Variants in MAN2A1 observed in about 807,000 individuals in gnomAD.
MAN2A1 encodes mannosidase alpha class 2A member 1, also known as alpha-mannosidase 2.
Under a neutral mutation model 142.6 loss-of-function variants are expected in MAN2A1, and 76 were observed. That is an observed-to-expected ratio of 0.53 (90% CI 0.44 to 0.65). The LOEUF (loss-of-function observed/expected upper bound fraction) is 0.65, where lower values mean the gene tolerates loss of function less well. Ranked by LOEUF, MAN2A1 falls within the 30% of genes least tolerant of loss-of-function variation. MAN2A1 has a pLI of 0.00. For synonymous variants in MAN2A1, 559 were observed against 473.2 expected, an observed-to-expected ratio of 1.18 and a Z score of -2.35; for missense variants, 1,311 against 1,365.1, an observed-to-expected ratio of 0.96 and a Z score of 0.62.
chr5:109,792,151 A>G (rs1360350440), intron 12 of MAN2A1, among the ~76,000 whole-genome samples: 1 of 152,078 alleles, frequency 6.6e-6, no homozygotes, highest in Non-Finnish European at 1.5e-5. Context: ...TCCCAGCACC[A>G]ATAATTTAAG....
intron 12 of MAN2A1, 87 bp from the exon 13 acceptor site, chr5:109,817,186 A>G: frequency 9.0e-7 from 1 of 1,110,452 alleles, no homozygotes; most frequent in Non-Finnish European, 1.3e-6. Flanking sequence ...ATGTATATGT[A>G]TATGTATATG....
chr5:109,809,193 T>A (rs1315620868), intron 12 of MAN2A1, among the ~76,000 whole-genome samples: 1 of 152,204 alleles, frequency 6.6e-6, no homozygotes, highest in Non-Finnish European at 1.5e-5. Flanking sequence ...AAGTTATTTT[T>A]CTCTTCTTTC....
At chr5:109,721,955 A>G (rs1051827905) in intron 3 of MAN2A1, among the ~76,000 whole-genome samples, 6 of 152,222 alleles carry the variant, frequency 3.9e-5, no homozygotes, top group Non-Finnish European at 8.8e-5. Flanking sequence ...CAGCAACTTC[A>G]TGACAGAGTC....
At chr5:109,866,752 A>T (rs1048714019) in intron 21 of MAN2A1, 94 bp from the exon 22 acceptor site, 4 of 749,056 alleles carry the variant, frequency 5.3e-6, no homozygotes, top group Non-Finnish European at 8.7e-6. Context: ...ATACTGTTTT[A>T]TTCCTTCTCA....
At chr5:109,821,275 GT>G (rs1418661383) in intron 15 of MAN2A1, among the ~76,000 whole-genome samples, 2 of 152,106 alleles carry the variant, frequency 1.3e-5, no homozygotes, top group Non-Finnish European at 2.9e-5. Flanking sequence ...CTGATGGTAT[GT>G]TTTTTAAAAA....
At chr5:109,768,928 C>A (rs2112648369) in intron 6 of MAN2A1, among the ~76,000 whole-genome samples, 1 of 152,224 alleles carries the variant, frequency 6.6e-6, no homozygotes, top group Non-Finnish European at 1.5e-5. Context: ...TTATGTATTT[C>A]AGTATTGTGC....
Position 109,821,678 on chromosome 5 carries a change from G to A in MAN2A1, c.2451+1336G>A, listed in dbSNP as rs148165807. On this transcript the variant is annotated intron_variant, in intron 15 of 21. Transcript: ENST00000261483. ...TTTGTGGTTACTAGTAAGGTTGAAC[G>A]TTTTTGTACCTTCATTTATCTTTCA... Among the ~76,000 whole-genome samples the A allele has an allele frequency of 1.7e-3, 258 of 152,108 alleles. 1 individual carries two copies. The highest frequency in any genetic ancestry group is 6.1e-3 in the African/African-American group (253 of 41,508).
chr5:109,748,137 T>C (rs1468446779), intron 4 of MAN2A1, among the ~76,000 whole-genome samples: 3 of 152,156 alleles, frequency 2.0e-5, no homozygotes, highest in East Asian at 1.9e-4. Flanking sequence ...AAATACAATA[T>C]TTTCTGACTT....
rs369771547 is a variant in MAN2A1, at chr5:109,788,970, T to C, written c.1797T>C (p.Ile599=). 1 of 1,602,736 alleles carries C rather than the reference T, an allele frequency of 6.2e-7. No individual in the cohort carries two copies. The highest frequency in any genetic ancestry group is 8.5e-7 in the Non-Finnish European group (1 of 1,171,056). ...CGTTAATGGTTTTGGAGAAGATAAT[T>C]GGAAATTCTGCATTTCTTCTTATTT... ...FHSLMVLEKI[I]GNSAFLLILK... is the part of the protein sequence containing the mutation. The change falls in exon 11 of 22, where the codon ATT becomes ATC. Residue 599 remains isoleucine (I), a synonymous_variant. Transcript: ENST00000261483.
At chr5:109,828,603 T>C (rs1754822361) in intron 16 of MAN2A1, among the ~76,000 whole-genome samples, 1 of 152,250 alleles carries the variant, frequency 6.6e-6, no homozygotes, top group African/African-American at 2.4e-5. Flanking sequence ...GTATGTCGTG[T>C]ACATTTCATT....
chr5:109,706,141 C>A (rs921959630), intron 1 of MAN2A1, among the ~76,000 whole-genome samples: 1 of 152,100 alleles, frequency 6.6e-6, no homozygotes, highest in Non-Finnish European at 1.5e-5. Flanking sequence ...TCATAACAAC[C>A]CTATGAGTTA....
chr5:109,715,873 CT>C (rs954704336), intron 2 of MAN2A1, among the ~76,000 whole-genome samples: 59 of 148,450 alleles, frequency 4.0e-4, no homozygotes, highest in Middle Eastern at 6.8e-3. Flanking sequence ...ATAGAATGAA[CT>C]TTTTTTTTTA....
intron 5 of MAN2A1, among the ~76,000 whole-genome samples, chr5:109,762,920 G>A (rs1369911525): frequency 2.6e-5 from 4 of 152,174 alleles, no homozygotes; most frequent in Non-Finnish European, 4.4e-5. Context: ...ATAATATTCT[G>A]ATGAGCAAAG....
At chr5:109,814,748 A>G (rs1754407415) in intron 12 of MAN2A1, among the ~76,000 whole-genome samples, 1 of 152,230 alleles carries the variant, frequency 6.6e-6, no homozygotes, top group Non-Finnish European at 1.5e-5. Context: ...AAAACCAAAT[A>G]TATGGTTAAA....
intron 3 of MAN2A1, among the ~76,000 whole-genome samples, chr5:109,722,734 G>C (rs1751640298): frequency 6.6e-6 from 1 of 152,110 alleles, no homozygotes; most frequent in African/African-American, 2.4e-5. Flanking sequence ...CAGCCTTTAA[G>C]TTGGTTTCTT....
chr5:109,739,681 G>A (rs1383209752), intron 4 of MAN2A1, among the ~76,000 whole-genome samples: 2 of 152,194 alleles, frequency 1.3e-5, no homozygotes, highest in African/African-American at 2.4e-5. Context: ...AAAACATGGT[G>A]TAACTTGCCT....
Position 109,868,458 on chromosome 5 carries a change from C to CT in MAN2A1, c.*1463dup, listed in dbSNP as rs1755935838. Reference sequence around the variant, plus strand: ...GAGTATGTACAGTTTTGAAAATTCTCTTTGAGATAATTGATTTCATATTCT... The same window carrying CT: ...GAGTATGTACAGTTTTGAAAATTCTCTTTTGAGATAATTGATTTCATATTCT... On this transcript the variant is annotated 3_prime_UTR_variant, in exon 22 of 22. Coordinates refer to ENST00000261483, the MANE Select transcript of MAN2A1 (RefSeq NM_002372.4). 1 of 152,156 alleles carries CT rather than the reference C, an allele frequency of 6.6e-6. No homozygotes were observed. The highest frequency in any genetic ancestry group is 1.5e-5 in the Non-Finnish European group (1 of 68,010). 9.4% of individuals were successfully genotyped at this position (152,156 alleles called of 1,614,324 possible).
chr5:109,832,937 C>G (rs1265835422), intron 16 of MAN2A1, among the ~76,000 whole-genome samples: 1 of 151,450 alleles, frequency 6.6e-6, no homozygotes, highest in Non-Finnish European at 1.5e-5. Context: ...CAGAGACGCT[C>G]CTCACCTCCC....
chr5:109,820,548 C>T (rs1018563784), intron 15 of MAN2A1, among the ~76,000 whole-genome samples: 2 of 152,190 alleles, frequency 1.3e-5, no homozygotes, highest in Admixed American at 1.3e-4. Flanking sequence ...GTGGCTCACA[C>T]CTGTAATCCC....
Sources: allele counts gnomAD v4.1 joint callset (sites outside exome capture counted in the v4.1 genomes callset), GRCh38; gene constraint gnomAD v4.1.1; transcripts MANE v1.5; gene names NCBI Gene and HGNC (gene_info 2026-07-23, HGNC 2026-07-21).